The following SECISBP2 variants were observed in gnomAD, a reference collection of about 807,000 sequenced individuals.
SECISBP2 encodes the protein selenocysteine insertion sequence-binding protein 2.
In SECISBP2, 96 loss-of-function variants were observed where a neutral mutation model predicts 98.2. That is an observed-to-expected ratio of 0.98 (90% CI 0.83 to 1.16). The LOEUF is 1.16. Ranked by LOEUF, SECISBP2 falls within the 50% of genes most tolerant of loss-of-function variation. The pLI is 0.00. For missense variants in SECISBP2, 1,046 were observed against 1,022.9 expected (o/e 1.02, Z -0.31); for synonymous variants, 407 against 370.2 (o/e 1.10, Z -1.14).
chr9:89,341,364 T>C lies in SECISBP2; in HGVS notation c.1320T>C (p.Asn440=), dbSNP rs750281883. ...ACTTTCAGGATAATTTTAAAAATAA[T>C]GTAAAGAAGAGCCAGCTTCCAGTGC... is the stretch of plus-strand genomic sequence containing the variant. ...KQQPQDNFKN[N]VKKSQLPVQL... The change falls in exon 10 of 17, where the codon AAT becomes AAC. Residue 440 remains asparagine, a synonymous_variant. Transcript: ENST00000375807. 8.7e-6 allele frequency: 14 copies of C among 1,613,822 alleles called. No individual in the cohort carries two copies. Among genetic ancestry groups the C allele is most frequent in the Non-Finnish European group, 1.1e-5 (13 of 1,179,766 alleles).
chr9:89,338,598 A>G lies in SECISBP2; in HGVS notation c.1212+18A>G, dbSNP rs1476496381. ...GGATTGAAGTACATTTATATTTTTTATTCACATGGTGTGATATAATAAGTG... is the reference window on the plus strand; with the variant it reads ...GGATTGAAGTACATTTATATTTTTTGTTCACATGGTGTGATATAATAAGTG... On this transcript the variant is annotated intron_variant, in intron 8 of 16. Transcript: ENST00000375807. The G allele has an allele frequency of 2.5e-6, 4 of 1,609,824 alleles. No homozygotes were observed. The highest frequency in any genetic ancestry group is 1.7e-5 in the Admixed American group (1 of 59,726).
At chr9:89,364,972 A>C in the SECISBP2 span, 1 of 152,324 alleles carries the variant, frequency 6.6e-6, no homozygotes, top group South Asian at 2.1e-4. Context: ...GGCACAAGTA[A>C]GTTCTGGTCA....
intron 15 of SECISBP2, 51 bp from the exon 16 acceptor site, chr9:89,357,948 C>T (rs1221632768): frequency 9.4e-6 from 15 of 1,596,904 alleles, no homozygotes; most frequent in Middle Eastern, 2.2e-4. Flanking sequence ...TTGAGGGACC[C>T]GTGTCCTCTG....
chr9:89,345,979 A>C, intron 10 of SECISBP2, among the ~76,000 whole-genome samples: 1 of 152,198 alleles, frequency 6.6e-6, no homozygotes, highest in South Asian at 2.1e-4. Flanking sequence ...GAAGCAGTGA[A>C]TCAGACAGTC....
At chr9:89,348,053 T>A (rs750600618) in intron 11 of SECISBP2, 26 bp from the exon 12 acceptor site, 1 of 1,590,638 alleles carries the variant, frequency 6.3e-7, no homozygotes, top group Admixed American at 1.7e-5. Flanking sequence ...TATTTAGGCA[T>A]TTTAATTGTT....
At position 89,358,761 on chromosome 9, in the gene SECISBP2, T is replaced by C; in HGVS notation, c.2502T>C (p.Cys834=). 1 of 1,613,994 alleles carries C rather than the reference T, an allele frequency of 6.2e-7. No homozygotes were observed. The highest frequency in any genetic ancestry group is 8.5e-7 in the Non-Finnish European group (1 of 1,179,832). The part of the protein sequence containing the change: ...WKKHLEAYSG[C]TLELEESLEA... ...AACATCTGGAAGCATACAGTGGATG[T>C]ACCCTGGAGCTAGAAGAATCCTTGG... Residue 834 remains cysteine, a synonymous_variant, in exon 17 of 17, where the codon TGT becomes TGC. Transcript: ENST00000375807.
intron 6 of SECISBP2, among the ~76,000 whole-genome samples, chr9:89,333,489 C>T (rs936264222): frequency 3.3e-5 from 5 of 152,256 alleles, no homozygotes; most frequent in Non-Finnish European, 5.9e-5. Context: ...TTGCTTTCCA[C>T]TTGTGCAGCT....
In SECISBP2 at chr9:89,358,121, C is replaced by G; in HGVS notation, c.2391C>G (p.Pro797=). Residue 797 remains proline (P), a synonymous_variant, in exon 16 of 17, where the codon CCC becomes CCG. Coordinates refer to ENST00000375807, the MANE Select transcript of SECISBP2 (RefSeq NM_024077.5). ...EPRPQAPPSL[P]TQGPSCPAED... ...GGCCTCAGGCACCTCCCAGCCTACC[C>G]ACACAGGGCCCCAGCTGCCCTGCAG... The G allele has an allele frequency of 6.2e-7, 1 of 1,613,818 alleles. No individual in the cohort carries two copies.
At chr9:89,355,293 C>T (rs1453640315) in intron 14 of SECISBP2, 1 of 985,302 alleles carries the variant, frequency 1.0e-6, no homozygotes, top group African/African-American at 1.7e-5. Flanking sequence ...GGCCAGATGC[C>T]TGGCCTACAA....
downstream of SECISBP2, among the ~76,000 whole-genome samples, chr9:89,363,274 C>T (rs74351835): frequency 1.3e-5 from 2 of 152,120 alleles, no homozygotes; most frequent in Non-Finnish European, 2.9e-5. Flanking sequence ...ATTTCCCCCC[C>T]CAGTGTTGCA....
At chr9:89,341,569 A>T (rs920858993) in intron 10 of SECISBP2, 90 bp downstream of exon 10, 2 of 1,466,254 alleles carry the variant, frequency 1.4e-6, no homozygotes, top group African/African-American at 2.8e-5. Context: ...ATCAAAAGTT[A>T]TTTATAGATA....
At chr9:89,363,187 C>T (rs746766673), downstream of SECISBP2, among the ~76,000 whole-genome samples, 24 of 152,198 alleles carry the variant, frequency 1.6e-4, no homozygotes, top group Admixed American at 1.4e-3. Context: ...CTCCCAGTCT[C>T]GCCTCCCTTC....
chr9:89,328,833 A>C lies in SECISBP2; in HGVS notation c.748A>C (p.Thr250Pro), dbSNP rs771636918. Residue 250 changes from threonine (T) to proline (P), a missense_variant, in exon 5 of 17, where the codon ACC becomes CCC. By Grantham distance (38) the Thr-to-Pro change is conservative (BLOSUM62 -1). Transcript: ENST00000375807. ...PKWGPVHSVS[T>P]DISLLREVVK... ...GTGGGGACCTGTCCACTCTGTCTCT[A>C]CCGACATTTCTCTTCTAAGAGAAGT... 1 of 1,614,216 alleles carries C rather than the reference A, an allele frequency of 6.2e-7. No individual in the cohort carries two copies. Among genetic ancestry groups the C allele is most frequent in the South Asian group, 1.1e-5 (1 of 91,088 alleles).
At chr9:89,356,227 T>G (rs771469248) in intron 14 of SECISBP2, among the ~76,000 whole-genome samples, 16 of 152,226 alleles carry the variant, frequency 1.1e-4, no homozygotes, top group Non-Finnish European at 2.2e-4. Flanking sequence ...CTAGGTTGCC[T>G]GCTCCTTATG....
chr9:89,341,938 A>G lies in SECISBP2; in HGVS notation c.1435+459A>G, dbSNP rs766700824. Among the ~76,000 whole-genome samples, 13 of 152,374 alleles carry G rather than the reference A, an allele frequency of 8.5e-5. No homozygotes were observed. The Middle Eastern group carries it at 0.014, about 159-fold the overall frequency. On this transcript the variant is annotated intron_variant, in intron 10 of 16. Coordinates refer to ENST00000375807, the MANE Select transcript of SECISBP2 (RefSeq NM_024077.5). ...CAAAAAGATGGGCAACAAAAGAACA[A>G]TAAACTTTGGACTTCATTAAAATTA...
chr9:89,351,455 CGAATT>C (rs1831273825), intron 14 of SECISBP2, among the ~76,000 whole-genome samples: 1 of 152,086 alleles, frequency 6.6e-6, no homozygotes, highest in African/African-American at 2.4e-5. Context: ...GTTGTGTCCT[CGAATT>C]GAGCAATAGG....
Position 89,338,445 on chromosome 9 carries a change from T to A in SECISBP2, c.1090-13T>A. The A allele has an allele frequency of 1.9e-6, 3 of 1,612,918 alleles. No homozygotes were observed. Among genetic ancestry groups the A allele is most frequent in the Non-Finnish European group, 2.5e-6 (3 of 1,179,766 alleles). Reference sequence around the variant, plus strand: ...CTAAAAACAGGATTTTTTGCTTTGATTTTCTGTTCTAGTCTAAAGCATCAC... The same window carrying A: ...CTAAAAACAGGATTTTTTGCTTTGAATTTCTGTTCTAGTCTAAAGCATCAC... On this transcript the variant is annotated splice_polypyrimidine_tract_variant and intron_variant, in intron 7 of 16. Coordinates refer to ENST00000375807, the MANE Select transcript of SECISBP2 (RefSeq NM_024077.5).
chr9:89,363,431 C>G (rs1323789887), downstream of SECISBP2: 2 of 1,612,704 alleles, frequency 1.2e-6, no homozygotes, highest in Non-Finnish European at 1.7e-6. Context: ...GCCACTTACC[C>G]ACGCCTTCCT....
At chr9:89,363,710 A>G (rs911964903), downstream of SECISBP2, 1 of 1,603,750 alleles carries the variant, frequency 6.2e-7, no homozygotes, top group Non-Finnish European at 8.5e-7. Context: ...TACCTCATAA[A>G]AGGGTAACAG....
Sources: gnomAD v4.1 joint callset for allele counts (sites outside exome capture counted in the v4.1 genomes callset) on GRCh38, gnomAD v4.1.1 for gene constraint, MANE v1.5 for transcripts, NCBI Gene and HGNC (gene_info 2026-07-23, HGNC 2026-07-21) for gene names.